Variants in TAF3 observed in about 807,000 individuals in gnomAD.
TAF3 encodes TATA-box binding protein associated factor 3.
TAF3 carries 7 observed loss-of-function variants against 80.6 expected under a neutral mutation model. The observed-to-expected ratio is 0.09, with a 90% CI of 0.05 to 0.16. The LOEUF is 0.16. Ranked by LOEUF, TAF3 falls within the 10% of genes least tolerant of loss-of-function variation. The pLI is 1.00. For missense variants in TAF3, 921 were observed against 1,140.2 expected, an observed-to-expected ratio of 0.81 and a Z score of 2.77; for synonymous variants, 444 against 446.1, an observed-to-expected ratio of 1.00 and a Z score of 0.06.
intron 2 of TAF3, among the ~76,000 whole-genome samples, chr10:7,902,101 A>G (rs886537496): frequency 1.2e-4 from 18 of 152,156 alleles, no homozygotes; most frequent in African/African-American, 3.4e-4. Flanking sequence ...ATAACCACCA[A>G]TTAACATATT....
chr10:7,978,627 A>G (rs776724341), intron 4 of TAF3, among the ~76,000 whole-genome samples: 2 of 152,240 alleles, frequency 1.3e-5, no homozygotes, highest in Non-Finnish European at 2.9e-5. Context: ...CTACAGAAGC[A>G]TGAAGAATGT....
intron 4 of TAF3, among the ~76,000 whole-genome samples, chr10:8,000,120 C>T (rs556143224): frequency 2.3e-4 from 35 of 152,158 alleles, no homozygotes; most frequent in South Asian, 1.9e-3. Context: ...TCATCTTTTT[C>T]GTTGTTTTGC....
intron 2 of TAF3, among the ~76,000 whole-genome samples, chr10:7,942,896 C>T (rs561722886): frequency 6.6e-6 from 1 of 152,312 alleles, no homozygotes; most frequent in South Asian, 2.1e-4. Flanking sequence ...ATCACATTTG[C>T]AGGTTGGATT....
chr10:7,821,983 T>A (rs1836694813), intron 1 of TAF3, among the ~76,000 whole-genome samples: 2 of 152,178 alleles, frequency 1.3e-5, no homozygotes, highest in Non-Finnish European at 2.9e-5. Context: ...AGCTAGTTCA[T>A]TCCAAGGGTG....
intron 4 of TAF3, among the ~76,000 whole-genome samples, chr10:7,987,597 A>C (rs1457443852): frequency 6.6e-6 from 1 of 152,194 alleles, no homozygotes; most frequent in Non-Finnish European, 1.5e-5. Context: ...TGTTTAAGAG[A>C]TTATTATGCC....
chr10:7,888,263 C>G (rs140329040), intron 2 of TAF3, among the ~76,000 whole-genome samples: 237 of 152,294 alleles, frequency 1.6e-3, no homozygotes, highest in African/African-American at 5.4e-3. Context: ...CTTCTTTACT[C>G]CTTAACCTTC....
intron 2 of TAF3, among the ~76,000 whole-genome samples, chr10:7,840,293 C>T (rs940088697): frequency 1.3e-5 from 2 of 151,874 alleles, no homozygotes; most frequent in Non-Finnish European, 2.9e-5. Flanking sequence ...GCTCTGACTA[C>T]AGGCGCCCGC....
At chr10:7,866,222 C>T (rs534605620) in intron 2 of TAF3, among the ~76,000 whole-genome samples, 44 of 152,274 alleles carry the variant, frequency 2.9e-4, no homozygotes, top group African/African-American at 9.1e-4. Flanking sequence ...CACTCTGTGC[C>T]GTCACTCTTC....
At chr10:8,000,774 G>A (rs1387941362) in intron 4 of TAF3, among the ~76,000 whole-genome samples, 2 of 152,142 alleles carry the variant, frequency 1.3e-5, no homozygotes, top group Non-Finnish European at 2.9e-5. Context: ...GTGAGACCCT[G>A]CCTCAAATAA....
At chr10:7,905,069 C>G (rs1364657531) in intron 2 of TAF3, among the ~76,000 whole-genome samples, 1 of 152,074 alleles carries the variant, frequency 6.6e-6, no homozygotes, top group Non-Finnish European at 1.5e-5. Context: ...CTGAAAGGCT[C>G]CAAGTAGTAG....
At chr10:7,984,444 A>T (rs1047988144) in intron 4 of TAF3, among the ~76,000 whole-genome samples, 2 of 152,234 alleles carry the variant, frequency 1.3e-5, no homozygotes, top group African/African-American at 4.8e-5. Flanking sequence ...TAGAAGACTC[A>T]GGAAAATTTA....
At chr10:7,861,186 G>A (rs1443852387) in intron 2 of TAF3, among the ~76,000 whole-genome samples, 2 of 152,028 alleles carry the variant, frequency 1.3e-5, no homozygotes, top group African/African-American at 4.8e-5. Flanking sequence ...GGGTGGTCTC[G>A]ATCTCCTGAC....
chr10:7,846,257 A>G (rs1481326088), intron 2 of TAF3, among the ~76,000 whole-genome samples: 2 of 152,164 alleles, frequency 1.3e-5, no homozygotes, highest in African/African-American at 4.8e-5. Context: ...GCGCCCGGCC[A>G]AAAGGATGAA....
intron 2 of TAF3, among the ~76,000 whole-genome samples, chr10:7,890,025 T>C (rs971799825): frequency 6.6e-6 from 1 of 152,240 alleles, no homozygotes; most frequent in Non-Finnish European, 1.5e-5. Flanking sequence ...CTGCTGTATT[T>C]ATAATTTTTC....
chr10:7,897,855 C>A (rs888667543), intron 2 of TAF3, among the ~76,000 whole-genome samples: 1 of 151,880 alleles, frequency 6.6e-6, no homozygotes, highest in African/African-American at 2.4e-5. Context: ...GAGACAGGGT[C>A]TCACTTTGGT....
intron 2 of TAF3, among the ~76,000 whole-genome samples, chr10:7,895,311 C>T (rs1430685312): frequency 6.6e-6 from 1 of 152,192 alleles, no homozygotes; most frequent in Non-Finnish European, 1.5e-5. Context: ...AAATCCTTTG[C>T]TGTATCTGTA....
intron 4 of TAF3, among the ~76,000 whole-genome samples, chr10:8,002,696 G>C (rs553348900): frequency 6.6e-6 from 1 of 152,124 alleles, no homozygotes; most frequent in African/African-American, 2.4e-5. Flanking sequence ...AATGTCCATA[G>C]AGTCAATTTC....
At chr10:7,996,287 C>T (rs1347158089) in intron 4 of TAF3, among the ~76,000 whole-genome samples, 9 of 152,122 alleles carry the variant, frequency 5.9e-5, no homozygotes, top group South Asian at 2.1e-4. Flanking sequence ...CAGGAGGCTC[C>T]GGGGACCTCT....
chr10:7,865,970 C>A (rs1051880381), intron 2 of TAF3, among the ~76,000 whole-genome samples: 1 of 152,194 alleles, frequency 6.6e-6, no homozygotes, highest in Non-Finnish European at 1.5e-5. Context: ...ATGTGGTGCA[C>A]CATGTTCGGC....
Sources: allele counts gnomAD v4.1 joint callset (sites outside exome capture counted in the v4.1 genomes callset), GRCh38; gene constraint gnomAD v4.1.1; transcripts MANE v1.5; gene names NCBI Gene and HGNC (gene_info 2026-07-23, HGNC 2026-07-21).